AREL1: variants seen among roughly 807,000 people sequenced by gnomAD.
The protein encoded by AREL1 is apoptosis resistant E3 ubiquitin protein ligase 1.
A neutral mutation model predicts 99.0 loss-of-function variants in AREL1; 62 were observed. The observed-to-expected ratio is 0.63, with a 90% CI of 0.51 to 0.77. AREL1 has a LOEUF of 0.77. AREL1 is among the 30% of genes least tolerant of loss of function. The pLI, the probability that AREL1 is intolerant of heterozygous loss-of-function variation, is 0.00. For missense variants in AREL1, 879 were observed against 1,027.6 expected, an observed-to-expected ratio of 0.86 and a Z score of 1.98; for synonymous variants, 380 against 376.5, an observed-to-expected ratio of 1.01 and a Z score of -0.11.
intron 5 of AREL1, among the ~76,000 whole-genome samples, chr14:74,682,654 G>C (rs185929840): frequency 1.1e-4 from 17 of 152,364 alleles, no homozygotes; most frequent in African/African-American, 3.6e-4. Flanking sequence ...GTGGGGCCTG[G>C]TGGGAGGTGA....
intron 1 of AREL1, among the ~76,000 whole-genome samples, chr14:74,698,381 C>T (rs1226721353): frequency 6.6e-6 from 1 of 152,176 alleles, no homozygotes; most frequent in African/African-American, 2.4e-5. Context: ...TTCTTGCCTG[C>T]CCTGATGCCC....
intron 1 of AREL1, among the ~76,000 whole-genome samples, chr14:74,695,393 C>A (rs1265221424): frequency 6.6e-6 from 1 of 152,016 alleles, no homozygotes. Flanking sequence ...ACTTTTATTT[C>A]TATTCACTAT....
At position 74,692,185 on chromosome 14, in the gene AREL1, A is replaced by G. The variant is rs556793104; in HGVS notation, c.-190T>C. The G allele has an allele frequency of 1.3e-5, 6 of 453,980 alleles. No individual in the cohort carries two copies. In the East Asian group the frequency reaches 2.8e-4, roughly 21 times the overall value. The allele number at this position is 453,980 out of a possible 1,614,324, so 28.1% of individuals were successfully genotyped here. A position where few individuals can be genotyped will look rare whatever the true frequency, so the allele number is the denominator to read the frequency against. ...GGTCAACAGAAAGGGTCTATCCATC[A>G]GACTTTGTCACAGTAATCAGGTCAG... On this transcript the variant is annotated 5_prime_UTR_variant, in exon 2 of 20. Transcript: ENST00000356357.
intron 1 of AREL1, chr14:74,712,061 AAAAAAAGAAAAAAAAAGAAAGAAAG>A (rs2090314441): frequency 8.2e-5 from 4 of 48,616 alleles, no homozygotes; most frequent in South Asian, 7.3e-4. Context: ...AAAAAAAAAA[AAAAAAAGAAAAAAAAAGAAAGAAAG>A]AAAGAAAGAA....
rs768335540 is a variant in AREL1 at position 74,673,110 on chromosome 14, C to T, written c.1267G>A (p.Ala423Thr). 5 of 1,614,186 alleles carry T rather than the reference C, an allele frequency of 3.1e-6. No individual in the cohort carries two copies. Among genetic ancestry groups the T allele is most frequent in the Non-Finnish European group, 8.5e-7 (1 of 1,180,032 alleles). Residue 423 changes from alanine to threonine, a missense_variant, in exon 10 of 20, where the codon GCC (alanine) becomes ACC (threonine). Ala to Thr is a moderately conservative substitution (Grantham distance 58). Coordinates refer to ENST00000356357, the MANE Select transcript of AREL1 (RefSeq NM_001039479.2). ...LSCKERNILA[A>T]TFIRSLHKNI... The stretch of plus-strand genomic sequence containing the variant: ...TTATGCAGGGAGCGGATAAAAGTGG[C>T]TGCTAGAATGTTCCTCTCCTTACAG...
intron 2 of AREL1, among the ~76,000 whole-genome samples, chr14:74,687,127 C>T (rs549460369): frequency 6.6e-6 from 1 of 152,298 alleles, no homozygotes; most frequent in East Asian, 1.9e-4. Flanking sequence ...GGATGCCATT[C>T]GATCTGACCC....
chr14:74,693,629 G>C (rs1020835031), intron 1 of AREL1, among the ~76,000 whole-genome samples: 1 of 152,078 alleles, frequency 6.6e-6, no homozygotes, highest in African/African-American at 2.4e-5. Context: ...TTACAGATGA[G>C]GAAACTGGGA....
chr14:74,710,093 C>A (rs2090252733), intron 1 of AREL1, among the ~76,000 whole-genome samples: 1 of 152,222 alleles, frequency 6.6e-6, no homozygotes, highest in South Asian at 2.1e-4. Flanking sequence ...CTGCTCCCAT[C>A]CATCACAAAT....
Position 74,673,163 on chromosome 14 carries a change from T to C in AREL1, c.1214A>G (p.Asp405Gly), listed in dbSNP as rs772906421. 1 of 1,614,168 alleles carries C rather than the reference T, an allele frequency of 6.2e-7. No individual in the cohort carries two copies. Among genetic ancestry groups the C allele is most frequent in the Admixed American group, 1.7e-5 (1 of 60,026 alleles). The change falls in exon 10 of 20, where the codon GAT (aspartate) becomes GGT (glycine). Residue 405 changes from aspartate to glycine, a missense_variant. Asp to Gly is a moderately conservative substitution (Grantham distance 94). Transcript: ENST00000356357. ...VHKLLTLVVD[D>G]GIQPPVELSC... ...GAGCTCCACAGGAGGTTGAATGCCA[T>C]CATCCACCACCAGTGTGAGCAGCTT... is the stretch of plus-strand genomic sequence containing the variant.
At chr14:74,701,072 T>C (rs2090077279) in intron 1 of AREL1, among the ~76,000 whole-genome samples, 1 of 152,118 alleles carries the variant, frequency 6.6e-6, no homozygotes, top group Admixed American at 6.5e-5. Flanking sequence ...TGGCCAGGGC[T>C]TAGGGTGCAA....
intron 3 of AREL1, 35 bp downstream of exon 3, chr14:74,685,565 A>T: frequency 6.2e-7 from 1 of 1,613,018 alleles, no homozygotes. Flanking sequence ...AACCTTTACA[A>T]AAATATAATA....
At chr14:74,694,816 C>T (rs2089949687) in intron 1 of AREL1, among the ~76,000 whole-genome samples, 1 of 151,698 alleles carries the variant, frequency 6.6e-6, no homozygotes, top group South Asian at 2.1e-4. Flanking sequence ...GGTGAAATCC[C>T]GTCTCTACTA....
chr14:74,676,857 C>T (rs1316751728), intron 5 of AREL1, 105 bp from the exon 6 acceptor site: 12 of 935,586 alleles, frequency 1.3e-5, no homozygotes, highest in African/African-American at 8.7e-5. Flanking sequence ...AGTGCAGTGG[C>T]GCAATCTCGG....
chr14:74,672,479 G>A (rs2089371285), intron 11 of AREL1, among the ~76,000 whole-genome samples: 1 of 152,212 alleles, frequency 6.6e-6, no homozygotes, highest in Admixed American at 6.5e-5. Context: ...GCTCATGCCT[G>A]TAATCCCAAC....
intron 5 of AREL1, among the ~76,000 whole-genome samples, chr14:74,680,216 G>GAGAAA (rs367654486): frequency 4.0e-5 from 6 of 148,938 alleles, no homozygotes; most frequent in Admixed American, 2.0e-4. Context: ...GAAAAGAAAA[G>GAGAAA]AGAAAAGAAA....
At chr14:74,666,239 C>A (rs950426873) in intron 17 of AREL1, among the ~76,000 whole-genome samples, 1 of 152,174 alleles carries the variant, frequency 6.6e-6, no homozygotes, top group South Asian at 2.1e-4. Context: ...CCTAAAGAAA[C>A]GTTTGCAGAA....
chr14:74,676,388 T>C, intron 6 of AREL1, 67 bp from the exon 7 acceptor site: 1 of 1,543,576 alleles, frequency 6.5e-7, no homozygotes, highest in Admixed American at 1.9e-5. Flanking sequence ...ACTTTACTCC[T>C]TACAAAGAGC....
Position 74,683,390 on chromosome 14 carries a change from G to A in AREL1, c.387C>T (p.Ala129=), listed in dbSNP as rs766116303. ...AACGCCCAGCCTTGCGCACAGTGAA[G>A]GCCACTTTTACTACGTTGGAATTGG... ...QEPNSNVVKV[A]FTVRKAGRYE... The change falls in exon 5 of 20, where the codon GCC becomes GCT. Residue 129 remains alanine, a synonymous_variant. Transcript: ENST00000356357. 1 of 1,614,074 alleles carries A rather than the reference G, an allele frequency of 6.2e-7. No homozygotes were observed. Among genetic ancestry groups the A allele is most frequent in the East Asian group, 2.2e-5 (1 of 44,878 alleles).
chr14:74,713,036 C>G lies in AREL1; in HGVS notation c.-437G>C. 2.4e-6 allele frequency: 3 copies of G among 1,232,206 alleles called. No homozygotes were observed. Among genetic ancestry groups the G allele is most frequent in the South Asian group, 2.4e-5 (2 of 81,972 alleles). 76.3% of individuals were successfully genotyped at this position (1,232,206 alleles called of 1,614,324 possible). ...GCTCCCCACTCTCCCACCAACAGAC[C>G]CCAGAGTTGGTCTCCACCCGGCCTG... On this transcript the variant is annotated 5_prime_UTR_variant, in exon 1 of 20. Transcript: ENST00000356357.
Sources: allele counts gnomAD v4.1 joint callset (sites outside exome capture counted in the v4.1 genomes callset), GRCh38; gene constraint gnomAD v4.1.1; transcripts MANE v1.5; gene names NCBI Gene and HGNC (gene_info 2026-07-23, HGNC 2026-07-21).